Variants in YIPF6 observed in about 807,000 individuals in gnomAD.
YIPF6 encodes the protein protein YIPF6.
YIPF6 carries 3 observed loss-of-function variants against 16.8 expected under a neutral mutation model. The ratio of observed to expected loss-of-function variants is 0.18; its 90% confidence interval spans 0.08 to 0.46. The LOEUF (loss-of-function observed/expected upper bound fraction) is 0.46, where lower values mean the gene tolerates loss of function less well. Among genes scored for constraint, YIPF6 ranks in the 20% least tolerant of loss-of-function variants. The pLI is 0.98. For synonymous variants in YIPF6, 67 were observed against 61.9 expected, an observed-to-expected ratio of 1.08 and a Z score of -0.38; for missense variants, 145 against 184.9, an observed-to-expected ratio of 0.78 and a Z score of 1.25.
At chrX:68,521,525 T>C in intron 5 of YIPF6, 28 bp downstream of exon 5, 1 of 1,198,615 alleles carries the variant, frequency 8.3e-7, no homozygotes, top group Non-Finnish European at 1.1e-6. Context: ...GCATTCTTTT[T>C]TTCCTCTTGC....
At chrX:68,528,860 T>A (rs958598120) in intron 6 of YIPF6, among the ~76,000 whole-genome samples, 2 of 112,140 alleles carry the variant, frequency 1.8e-5, no homozygotes, top group African/African-American at 6.5e-5. Flanking sequence ...GTTAGTCTGA[T>A]GGGCTTCCCT....
chrX:68,522,635 G>C lies in YIPF6; in HGVS notation c.435-125G>C, dbSNP rs763085023. 3.3e-5 allele frequency: 21 copies of C among 634,837 alleles called. No individual in the cohort carries two copies. The African/African-American group carries it at 4.1e-4, about 12-fold the overall frequency. 52.3% of individuals were successfully genotyped at this position (634,837 alleles called of 1,213,427 possible). On this transcript the variant is annotated intron_variant, in intron 5 of 6. Coordinates refer to ENST00000462683, the MANE Select transcript of YIPF6 (RefSeq NM_173834.4). The stretch of plus-strand genomic sequence containing the variant: ...GCATGTACTTAATAATTAATGTTAG[G>C]ATGTAGATGTTATGTACCAAGAAGG...
Position 68,536,078 on chromosome X carries a change from C to A in YIPF6, c.*4079C>A, listed in dbSNP as rs1303731617. Reference sequence around the variant, plus strand: ...ACAGTGGGATTGCAGGCGTGAGCCACCATGCCTGGCTGAAATTCACCTTTT... The same window carrying A: ...ACAGTGGGATTGCAGGCGTGAGCCAACATGCCTGGCTGAAATTCACCTTTT... On this transcript the variant is annotated 3_prime_UTR_variant, in exon 7 of 7. Coordinates refer to ENST00000462683, the MANE Select transcript of YIPF6 (RefSeq NM_173834.4). 8.9e-6 allele frequency: 1 copy of A among 112,216 alleles called. No individual in the cohort carries two copies. Among genetic ancestry groups the A allele is most frequent in the Non-Finnish European group, 1.9e-5 (1 of 53,309 alleles). The allele number at this position is 112,216 out of a possible 1,213,427, so 9.2% of individuals were successfully genotyped here. A position where few individuals can be genotyped will look rare whatever the true frequency, so the allele number is the denominator to read the frequency against.
intron 6 of YIPF6, among the ~76,000 whole-genome samples, chrX:68,530,558 G>A (rs1325211083): frequency 9.0e-6 from 1 of 111,068 alleles, no homozygotes; most frequent in Non-Finnish European, 1.9e-5. Flanking sequence ...CCAAATGGCC[G>A]CCCAGTTTTG....
chrX:68,501,062 A>C (rs1474047975), intron 1 of YIPF6, among the ~76,000 whole-genome samples: 1 of 111,989 alleles, frequency 8.9e-6, no homozygotes, highest in Admixed American at 9.6e-5. Context: ...TCATTACTCA[A>C]TATGCAATCC....
At chrX:68,510,191 T>G (rs934495509) in intron 1 of YIPF6, among the ~76,000 whole-genome samples, 2 of 111,849 alleles carry the variant, frequency 1.8e-5, no homozygotes, top group Non-Finnish European at 3.8e-5. Context: ...GGGAATGGTC[T>G]TTCCAGCTTC....
intron 1 of YIPF6, 139 bp from the exon 2 acceptor site, chrX:68,511,710 A>G (rs1207323744): frequency 1.7e-6 from 1 of 589,383 alleles, no homozygotes; most frequent in Non-Finnish European, 2.5e-6. Context: ...GCATTGTGTA[A>G]TGTCTGTTGA....
At chrX:68,499,375 G>C (rs914298300) in intron 1 of YIPF6, among the ~76,000 whole-genome samples, 4 of 111,993 alleles carry the variant, frequency 3.6e-5, no homozygotes, top group Admixed American at 1.9e-4. Context: ...CCCAGGTCTC[G>C]TCATCGTCCC....
At chrX:68,509,606 C>T (rs2079072633) in intron 1 of YIPF6, among the ~76,000 whole-genome samples, 1 of 111,566 alleles carries the variant, frequency 9.0e-6, no homozygotes, top group Non-Finnish European at 1.9e-5. Flanking sequence ...AGTCTAGTCT[C>T]TGCCTTAGGC....
chrX:68,517,680 A>G (rs1164315632), intron 3 of YIPF6, among the ~76,000 whole-genome samples: 2 of 112,045 alleles, frequency 1.8e-5, no homozygotes, highest in African/African-American at 6.5e-5. Flanking sequence ...AAGAATCAAA[A>G]GACCAGGCTG....
rs747062294 is a variant in YIPF6 at position 68,513,362 on chromosome X, G to A, written c.222G>A (p.Met74Ile). ...TAAAAGCTGTTGGGAAAAAATTCAT[G>A]CATGTTTTGTACCCAAGGAAAAGTA... ...RDLKAVGKKF[M>I]HVLYPRKSNT... The change falls in exon 3 of 7, where the codon ATG (methionine) becomes ATA (isoleucine). Residue 74 changes from methionine to isoleucine, a missense_variant. Met to Ile is a conservative substitution (Grantham distance 10, BLOSUM62 1). Coordinates refer to ENST00000462683, the MANE Select transcript of YIPF6 (RefSeq NM_173834.4). 14 of 1,205,177 alleles carry A rather than the reference G, an allele frequency of 1.2e-5. No individual in the cohort carries two copies. In the South Asian group the frequency reaches 2.5e-4, roughly 22 times the overall value.
intron 6 of YIPF6, among the ~76,000 whole-genome samples, chrX:68,528,967 T>G (rs1351702801): frequency 9.0e-6 from 1 of 111,428 alleles, no homozygotes; most frequent in Non-Finnish European, 1.9e-5. Flanking sequence ...GGGGTTGTTC[T>G]TCTCAAGGAA....
chrX:68,499,344 C>T (rs934291929), intron 1 of YIPF6, among the ~76,000 whole-genome samples: 2 of 112,322 alleles, frequency 1.8e-5, no homozygotes, highest in African/African-American at 3.2e-5. Flanking sequence ...TGTGAAACTC[C>T]GATCTTTCCT....
In YIPF6 at chrX:68,533,713, C is replaced by T. The variant is rs1007649504; in HGVS notation, c.*1714C>T. The T allele has an allele frequency of 1.8e-5, 2 of 111,238 alleles. No individual in the cohort carries two copies. The highest frequency in any genetic ancestry group is 3.8e-5 in the Non-Finnish European group (2 of 52,984). 9.2% of individuals were successfully genotyped at this position (111,238 alleles called of 1,213,427 possible). A position where few individuals can be genotyped will look rare whatever the true frequency, so the allele number is the denominator to read the frequency against. On this transcript the variant is annotated 3_prime_UTR_variant, in exon 7 of 7. Coordinates refer to ENST00000462683, the MANE Select transcript of YIPF6 (RefSeq NM_173834.4). ...TTACCTTTTAAATTGTAAAATAAACCTTTGTGTGGACAGAGCCAATGTTTC... is the reference window on the plus strand; with the variant it reads ...TTACCTTTTAAATTGTAAAATAAACTTTTGTGTGGACAGAGCCAATGTTTC...
chrX:68,504,062 C>A (rs1301244087), intron 1 of YIPF6, among the ~76,000 whole-genome samples: 1 of 112,159 alleles, frequency 8.9e-6, no homozygotes, highest in Non-Finnish European at 1.9e-5. Context: ...TCATAGGACT[C>A]AGAACAGCAC....
rs1262162277 is a variant in YIPF6, at chrX:68,537,267, A to G, written c.*5268A>G. On this transcript the variant is annotated 3_prime_UTR_variant, in exon 7 of 7. Coordinates refer to ENST00000462683, the MANE Select transcript of YIPF6 (RefSeq NM_173834.4). Reference sequence around the variant, plus strand: ...ATTTGTGACTATTAAATGTGCAACTAAAAACACTGGAAAAAGAATTTGTGT... The same window carrying G: ...ATTTGTGACTATTAAATGTGCAACTGAAAACACTGGAAAAAGAATTTGTGT... 1 of 112,280 alleles carries G rather than the reference A, an allele frequency of 8.9e-6. No homozygotes were observed. The highest frequency in any genetic ancestry group is 3.2e-5 in the African/African-American group (1 of 30,896). The allele number at this position is 112,280 out of a possible 1,213,427, so 9.3% of individuals were successfully genotyped here.
intron 1 of YIPF6, among the ~76,000 whole-genome samples, chrX:68,505,665 C>T (rs1396909703): frequency 8.9e-6 from 1 of 112,047 alleles, no homozygotes; most frequent in Non-Finnish European, 1.9e-5. Flanking sequence ...AATTTTATTA[C>T]AGAAGCTTTC....
At chrX:68,515,694 G>A (rs1312735106) in intron 3 of YIPF6, among the ~76,000 whole-genome samples, 1 of 109,009 alleles carries the variant, frequency 9.2e-6, no homozygotes, top group Admixed American at 9.8e-5. Flanking sequence ...TTAGAGACAT[G>A]ATCTTGTTCT....
intron 4 of YIPF6, among the ~76,000 whole-genome samples, chrX:68,520,006 A>G (rs1317733455): frequency 8.9e-6 from 1 of 112,102 alleles, no homozygotes; most frequent in Admixed American, 9.5e-5. Flanking sequence ...ATATCTAGTG[A>G]CAGAATTAGG....
Sources: allele counts gnomAD v4.1 joint callset (sites outside exome capture counted in the v4.1 genomes callset), GRCh38; gene constraint gnomAD v4.1.1; transcripts MANE v1.5; gene names NCBI Gene and HGNC (gene_info 2026-07-23, HGNC 2026-07-21).